Variants in EWSR1 observed in about 807,000 individuals in gnomAD.
The protein encoded by EWSR1 is RNA-binding protein EWS.
In EWSR1, 14 loss-of-function variants were observed where a neutral mutation model predicts 92.1. That is an observed-to-expected ratio of 0.15 (90% CI 0.10 to 0.24). EWSR1 has a LOEUF of 0.24. EWSR1 is among the 10% of genes least tolerant of loss of function. The pLI is 1.00. For missense variants in EWSR1, 637 were observed against 870.9 expected, an observed-to-expected ratio of 0.73 and a Z score of 3.38; for synonymous variants, 303 against 292.9, an observed-to-expected ratio of 1.03 and a Z score of -0.35.
intron 11 of EWSR1, among the ~76,000 whole-genome samples, chr22:29,294,177 A>G (rs2060658337): frequency 6.6e-6 from 1 of 152,088 alleles, no homozygotes; most frequent in African/African-American, 2.4e-5. Flanking sequence ...TTAGATCTTC[A>G]GTAAAGACTA....
chr22:29,285,275 C>T (rs1170698150), intron 6 of EWSR1, among the ~76,000 whole-genome samples: 1 of 150,290 alleles, frequency 6.7e-6, no homozygotes, highest in Admixed American at 6.6e-5. Context: ...AGGCGTGTGC[C>T]ACCATACCCA....
chr22:29,283,163 G>A (rs1248729097), intron 6 of EWSR1, among the ~76,000 whole-genome samples: 1 of 152,176 alleles, frequency 6.6e-6, no homozygotes. Flanking sequence ...CAGATGGGAA[G>A]CAGAAGTATA....
Position 29,299,700 on chromosome 22 carries a change from GGAGACA to G in EWSR1, c.1784_1789del (p.Asp595_Arg596del), listed in dbSNP as rs1301427629. ...TGGAATGTTCAGAGGTGGCCGTGGT[GGAGACA>G]GAGGTGGCTTCCGTGGTGGCCGGGG... On this transcript the variant is annotated inframe_deletion, in exon 16 of 17. Coordinates refer to ENST00000397938, the MANE Select transcript of EWSR1 (RefSeq NM_005243.4). 4 of 1,612,850 alleles carry G rather than the reference GGAGACA, an allele frequency of 2.5e-6. No individual in the cohort carries two copies. In the Admixed American group the frequency reaches 6.7e-5, roughly 27 times the overall value.
At chr22:29,278,334 C>G (rs1481832980) in intron 5 of EWSR1, 118 bp downstream of exon 5, 2 of 911,984 alleles carry the variant, frequency 2.2e-6, no homozygotes, top group Non-Finnish European at 3.3e-6. Context: ...CATATACTCT[C>G]AGATGTTCAC....
chr22:29,279,132 A>T (rs371243164), intron 5 of EWSR1, among the ~76,000 whole-genome samples: 15 of 151,482 alleles, frequency 9.9e-5, no homozygotes, highest in African/African-American at 1.5e-4. Context: ...AGAGAGAGAG[A>T]GTGTGTGTGT....
chr22:29,283,958 C>T (rs990550994), intron 6 of EWSR1, among the ~76,000 whole-genome samples: 1 of 151,312 alleles, frequency 6.6e-6, no homozygotes, highest in East Asian at 1.9e-4. Flanking sequence ...CCTCAGCCTC[C>T]CTAGTAGCTG....
chr22:29,298,823 G>A lies in EWSR1; in HGVS notation c.1508G>A (p.Arg503Gln), dbSNP rs764280754. The A allele has an allele frequency of 5.0e-6, 8 of 1,601,232 alleles. No individual in the cohort carries two copies. The East Asian group carries it at 6.7e-5, about 13-fold the overall frequency. Residue 503 changes from arginine (R) to glutamine (Q), a missense_variant, in exon 14 of 17, where the codon CGG (arginine) becomes CAG (glutamine). Physicochemically the swap from Arg to Gln is conservative, Grantham distance 43. Coordinates refer to ENST00000397938, the MANE Select transcript of EWSR1 (RefSeq NM_005243.4). Reference protein sequence around the residue: ...DRGGFPPRGPRGSRGNPSGGG... With the variant: ...DRGGFPPRGPQGSRGNPSGGG... ...GGAGGCTTCCCTCCAAGAGGACCCCGGGGTTCCCGAGGGAACCCCTCTGGA... is the reference window on the plus strand; with the variant it reads ...GGAGGCTTCCCTCCAAGAGGACCCCAGGGTTCCCGAGGGAACCCCTCTGGA...
intron 1 of EWSR1, chr22:29,269,142 C>G (rs1027790111): frequency 2.0e-5 from 3 of 152,340 alleles, no homozygotes; most frequent in Admixed American, 2.0e-4. Flanking sequence ...TAAGGCCAGC[C>G]TGGGTCGAGA....
At chr22:29,297,256 A>G (rs576628720) in intron 12 of EWSR1, among the ~76,000 whole-genome samples, 5 of 152,236 alleles carry the variant, frequency 3.3e-5, no homozygotes, top group East Asian at 3.9e-4. Context: ...GTTCAAGCCA[A>G]TCTTGTGCGT....
chr22:29,292,638 G>A, intron 11 of EWSR1, 32 bp downstream of exon 11: 1 of 1,427,676 alleles, frequency 7.0e-7, no homozygotes, highest in Non-Finnish European at 9.9e-7. Flanking sequence ...TCATCTGGCA[G>A]AACTTTAAAC....
At chr22:29,275,823 C>T (rs1025137522) in intron 4 of EWSR1, 1 of 230,860 alleles carries the variant, frequency 4.3e-6, no homozygotes, top group Non-Finnish European at 8.6e-6. Flanking sequence ...TTACGTTGAA[C>T]AAAAGTTTTG....
Position 29,299,859 on chromosome 22 carries a change from C to T in EWSR1, c.1931+8C>T. ...ACCTGGAAAAATGGATAAGTAAGTG[C>T]TGGTGAAAAGCAGCTGTGGGCCGCC... On this transcript the variant is annotated splice_region_variant and intron_variant, in intron 16 of 16. Transcript: ENST00000397938. The T allele has an allele frequency of 6.5e-7, 1 of 1,537,026 alleles. No homozygotes were observed. Among genetic ancestry groups the T allele is most frequent in the African/African-American group, 1.4e-5 (1 of 72,512 alleles).
intron 5 of EWSR1, among the ~76,000 whole-genome samples, chr22:29,278,473 G>A (rs956291290): frequency 1.3e-5 from 2 of 148,440 alleles, no homozygotes; most frequent in African/African-American, 5.0e-5. Flanking sequence ...GATCATATAA[G>A]GTCAGGAGTT....
In EWSR1 at chr22:29,300,478, GTTTTTTT is replaced by G. The variant is rs76631619; in HGVS notation, c.*327_*333del. ...CTGTAACAATGTTCATGGTTGTGAT[GTTTTTTT>G]TTTTTTTTTAAATAAAATTCCAAAT... is the stretch of plus-strand genomic sequence containing the variant. On this transcript the variant is annotated 3_prime_UTR_variant, in exon 17 of 17. Transcript: ENST00000397938. 1 of 181,400 alleles carries G rather than the reference GTTTTTTT, an allele frequency of 5.5e-6. No individual in the cohort carries two copies. The highest frequency in any genetic ancestry group is 2.0e-4 in the South Asian group (1 of 5,126). The allele number at this position is 181,400 out of a possible 1,614,324, so 11.2% of individuals were successfully genotyped here.
At chr22:29,269,031 T>C (rs1445790613) in intron 1 of EWSR1, among the ~76,000 whole-genome samples, 2 of 152,080 alleles carry the variant, frequency 1.3e-5, no homozygotes, top group Admixed American at 6.5e-5. Flanking sequence ...GGCTTCTCCA[T>C]TTTTATCGTT....
At chr22:29,280,525 T>G (rs1280476701) in intron 5 of EWSR1, among the ~76,000 whole-genome samples, 2 of 152,328 alleles carry the variant, frequency 1.3e-5, no homozygotes, top group Non-Finnish European at 2.9e-5. Flanking sequence ...GGATACTTAC[T>G]TCCAGGTTCA....
chr22:29,278,138 A>T lies in EWSR1; in HGVS notation c.335A>T (p.Tyr112Phe), dbSNP rs1257206781. Reference protein sequence around the residue: ...TATVTTTQASYAAQSAYGTQP... With the variant: ...TATVTTTQASFAAQSAYGTQP... Reference sequence around the variant, plus strand: ...ACAGTCACCACCACCCAGGCCTCCTATGCAGCTCAGTCTGCATATGGCACT... The same window carrying T: ...ACAGTCACCACCACCCAGGCCTCCTTTGCAGCTCAGTCTGCATATGGCACT... The change falls in exon 5 of 17, where the codon TAT becomes TTT. Residue 112 changes from tyrosine (Y) to phenylalanine (F), a missense_variant. Tyr to Phe is a conservative substitution (Grantham distance 22, BLOSUM62 3). This residue lies in a region of EWSR1 where 144 missense variants were observed against 189.0 expected (regional missense o/e 0.76). Coordinates refer to ENST00000397938, the MANE Select transcript of EWSR1 (RefSeq NM_005243.4). 3 of 1,614,200 alleles carry T rather than the reference A, an allele frequency of 1.9e-6. No homozygotes were observed. Among genetic ancestry groups the T allele is most frequent in the Non-Finnish European group, 2.5e-6 (3 of 1,180,030 alleles).
intron 4 of EWSR1, chr22:29,274,339 G>A (rs2058936967): frequency 1.3e-6 from 2 of 1,586,222 alleles, no homozygotes; most frequent in South Asian, 1.1e-5. Context: ...GTCTAACCCT[G>A]TAATGTTAAT....
intron 4 of EWSR1, chr22:29,277,787 G>A (rs1170177658): frequency 8.6e-6 from 4 of 467,062 alleles, no homozygotes; most frequent in South Asian, 3.3e-5. Context: ...AGCATGACAT[G>A]CCATTTCTGT....
Sources: gnomAD v4.1 joint callset for allele counts (sites outside exome capture counted in the v4.1 genomes callset) on GRCh38, gnomAD v4.1.1 for gene constraint, gnomAD v4.1.1 regional missense constraint, MANE v1.5 for transcripts, NCBI Gene and HGNC (gene_info 2026-07-23, HGNC 2026-07-21) for gene names.